SGCZ: variants seen among roughly 807,000 people sequenced by gnomAD.
SGCZ encodes sarcoglycan zeta, also known as zeta-sarcoglycan.
SGCZ carries 40 observed loss-of-function variants against 41.3 expected under a neutral mutation model. That is an observed-to-expected ratio of 0.97 (90% confidence interval 0.75 to 1.26). The LOEUF (loss-of-function observed/expected upper bound fraction) is 1.26. Among genes scored for constraint, SGCZ ranks in the 50% most tolerant of loss-of-function variants. The pLI is 0.00. For missense variants in SGCZ, 552 were observed against 369.8 expected, an observed-to-expected ratio of 1.49 and a Z score of -4.04; for synonymous variants, 206 against 137.5, an observed-to-expected ratio of 1.50 and a Z score of -3.49.
intron 2 of SGCZ, among the ~76,000 whole-genome samples, chr8:14,401,444 C>G (rs554115143): frequency 9.9e-5 from 11 of 110,718 alleles, no homozygotes; most frequent in African/African-American, 3.6e-4. Flanking sequence ...CCCCTCCCCC[C>G]ACCCCACAAC....
At chr8:14,347,835 C>T (rs1007592689) in intron 2 of SGCZ, among the ~76,000 whole-genome samples, 2 of 152,108 alleles carry the variant, frequency 1.3e-5, no homozygotes, top group African/African-American at 2.4e-5. Flanking sequence ...TCTATTCATA[C>T]ACCAAAGAAG....
At chr8:14,256,004 C>A (rs1046329740) in intron 3 of SGCZ, among the ~76,000 whole-genome samples, 1 of 152,052 alleles carries the variant, frequency 6.6e-6, no homozygotes, top group African/African-American at 2.4e-5. Context: ...TCTCTCACTT[C>A]GAGGAACATG....
At position 15,136,171 on chromosome 8, in the gene SGCZ, G is replaced by T. The variant is rs190078097; in HGVS notation, c.39+101414C>A. On this transcript the variant is annotated intron_variant, in intron 1 of 7. Transcript: ENST00000382080. ...GTCCAAGACCCACCTCTGGAGTCAA[G>T]CCCCACCTCCTGAGTAGAGTCCTGC... Among the ~76,000 whole-genome samples, 12 of 152,140 alleles carry T rather than the reference G, an allele frequency of 7.9e-5. No homozygotes were observed. The East Asian group carries it at 2.3e-3, about 30-fold the overall frequency.
At chr8:15,102,432 C>T (rs1261028415) in intron 1 of SGCZ, among the ~76,000 whole-genome samples, 1 of 152,012 alleles carries the variant, frequency 6.6e-6, no homozygotes, top group African/African-American at 2.4e-5. Flanking sequence ...CTGTATGATA[C>T]TGTAATAATG....
intron 1 of SGCZ, among the ~76,000 whole-genome samples, chr8:14,751,661 G>C (rs1461663204): frequency 6.6e-6 from 1 of 152,072 alleles, no homozygotes; most frequent in Admixed American, 6.5e-5. Context: ...AAACCTGAGA[G>C]GATTTGCCTC....
intron 4 of SGCZ, among the ~76,000 whole-genome samples, chr8:14,214,451 T>C (rs1805922462): frequency 6.6e-6 from 1 of 152,098 alleles, no homozygotes; most frequent in Admixed American, 6.6e-5. Context: ...TATTGGTCCA[T>C]CAATAGTGAC....
chr8:14,648,137 T>C (rs1470804095), intron 1 of SGCZ, among the ~76,000 whole-genome samples: 1 of 152,034 alleles, frequency 6.6e-6, no homozygotes, highest in Non-Finnish European at 1.5e-5. Flanking sequence ...AAGTTAAAAG[T>C]ATATTGGATG....
Position 14,141,907 on chromosome 8 carries a change from G to C in SGCZ, c.547+22673C>G, listed in dbSNP as rs112624127. Among the ~76,000 whole-genome samples the C allele has an allele frequency of 3.5e-4, 54 of 152,226 alleles. 1 individual carries two copies. Among genetic ancestry groups the C allele is most frequent in the African/African-American group, 1.2e-3 (50 of 41,538 alleles). ...CACTATTCACAATAGCCAAGACTTG[G>C]AACCAACCAAAATGTCCAACAATGA... On this transcript the variant is annotated intron_variant, in intron 5 of 7. Transcript: ENST00000382080.
chr8:14,212,307 T>C (rs1244848837), intron 4 of SGCZ, among the ~76,000 whole-genome samples: 5 of 152,006 alleles, frequency 3.3e-5, no homozygotes, highest in Non-Finnish European at 7.4e-5. Flanking sequence ...CAACTCTCTT[T>C]CCTATGGCCA....
Position 14,682,595 on chromosome 8 carries a change from C to T in SGCZ, c.40-127669G>A, listed in dbSNP as rs970608959. Among the ~76,000 whole-genome samples, 4 of 151,982 alleles carry T rather than the reference C, an allele frequency of 2.6e-5. 1 individual carries two copies. The highest frequency in any genetic ancestry group is 4.8e-5 in the African/African-American group (2 of 41,394). ...GACTACAGGCGCCCACCACCACGCC[C>T]GGCTAATTTTTTGTATTTTTAGTAG... On this transcript the variant is annotated intron_variant, in intron 1 of 7. Transcript: ENST00000382080.
intron 2 of SGCZ, among the ~76,000 whole-genome samples, chr8:14,507,767 TG>T (rs1287222301): frequency 1.5e-5 from 1 of 66,466 alleles, no homozygotes; most frequent in Non-Finnish European, 2.8e-5. Flanking sequence ...TTTGTTTTTT[TG>T]TTTTTGTTTT....
intron 3 of SGCZ, chr8:14,309,701 G>A: frequency 6.2e-7 from 1 of 1,609,408 alleles, no homozygotes; most frequent in Non-Finnish European, 8.5e-7. Flanking sequence ...TATTCTCACA[G>A]GAGACTGAGT....
intron 1 of SGCZ, among the ~76,000 whole-genome samples, chr8:14,695,685 A>T (rs550605910): frequency 6.6e-6 from 1 of 150,914 alleles, no homozygotes; most frequent in South Asian, 2.1e-4. Flanking sequence ...CACAAATTAA[A>T]CATGCACACG....
At position 14,904,409 on chromosome 8, in the gene SGCZ, C is replaced by G. The variant is rs974269577; in HGVS notation, c.39+333176G>C. On this transcript the variant is annotated intron_variant, in intron 1 of 7. Coordinates refer to ENST00000382080, the MANE Select transcript of SGCZ (RefSeq NM_139167.4). Reference sequence around the variant, plus strand: ...CAGTTCAATATAGCACGCAAAACATCTCATTATCAAAGAATACACGAACTT... The same window carrying G: ...CAGTTCAATATAGCACGCAAAACATGTCATTATCAAAGAATACACGAACTT... Among the ~76,000 whole-genome samples, 8 of 152,142 alleles carry G rather than the reference C, an allele frequency of 5.3e-5. No homozygotes were observed. In the East Asian group the frequency reaches 1.5e-3, roughly 29 times the overall value.
At chr8:14,321,816 T>C (rs977075017) in intron 3 of SGCZ, among the ~76,000 whole-genome samples, 2 of 152,118 alleles carry the variant, frequency 1.3e-5, no homozygotes, top group African/African-American at 4.8e-5. Flanking sequence ...AAGATTGAAA[T>C]GTTTAACAGA....
At chr8:14,122,536 A>G (rs1308155957) in intron 5 of SGCZ, among the ~76,000 whole-genome samples, 1 of 152,234 alleles carries the variant, frequency 6.6e-6, no homozygotes, top group Non-Finnish European at 1.5e-5. Flanking sequence ...GAATTATCTA[A>G]TAAACTATTG....
At chr8:14,280,154 T>C (rs1306757170) in intron 3 of SGCZ, among the ~76,000 whole-genome samples, 1 of 151,938 alleles carries the variant, frequency 6.6e-6, no homozygotes, top group Non-Finnish European at 1.5e-5. Context: ...TACAGAATCT[T>C]CCATCACTGT....
intron 1 of SGCZ, among the ~76,000 whole-genome samples, chr8:14,834,940 G>A (rs775556091): frequency 4.6e-5 from 7 of 152,042 alleles, no homozygotes; most frequent in South Asian, 2.1e-4. Flanking sequence ...TCAGAACTAC[G>A]ATAATGCAAC....
chr8:14,433,890 C>T (rs1224972913), intron 2 of SGCZ, among the ~76,000 whole-genome samples: 1 of 152,110 alleles, frequency 6.6e-6, no homozygotes, highest in Non-Finnish European at 1.5e-5. Flanking sequence ...TAATGTCACC[C>T]ATAGGAATGC....
Sources: gnomAD v4.1 joint callset for allele counts (sites outside exome capture counted in the v4.1 genomes callset) on GRCh38, gnomAD v4.1.1 for gene constraint, MANE v1.5 for transcripts, NCBI Gene and HGNC (gene_info 2026-07-23, HGNC 2026-07-21) for gene names.